VAX2: variants seen among roughly 807,000 people sequenced by gnomAD.
VAX2 encodes the protein ventral anterior homeobox 2.
Under a neutral mutation model 12.5 loss-of-function variants are expected in VAX2, and 8 were observed. The ratio of observed to expected loss-of-function variants is 0.64; its 90% CI spans 0.37 to 1.15. The LOEUF (loss-of-function observed/expected upper bound fraction) is 1.15, where lower values mean the gene tolerates loss of function less well. VAX2 is among the 50% of genes most tolerant of loss of function. The probability of loss-of-function intolerance (pLI) is 0.01; values close to 1 mark genes in which losing one functional copy is unlikely to be tolerated. For synonymous variants in VAX2, 183 were observed against 187.6 expected, an observed-to-expected ratio of 0.98 and a Z score of 0.20; for missense variants, 476 against 412.9, an observed-to-expected ratio of 1.15 and a Z score of -1.32.
rs546242313 is a variant in VAX2 at position 70,900,636 on chromosome 2, C to A, written c.15C>A (p.Gly5=). The change falls in exon 1 of 3, where the codon GGC becomes GGA. Residue 5 remains glycine, a synonymous_variant. Coordinates refer to ENST00000234392, the MANE Select transcript of VAX2 (RefSeq NM_012476.3). MGDG[G]AERDRGPARR... is the part of the protein sequence containing the mutation. ...TGGCGGTCAGCATGGGCGATGGGGG[C>A]GCCGAGCGCGACCGGGGCCCCGCGC... The A allele has an allele frequency of 3.3e-5, 42 of 1,270,102 alleles. No individual in the cohort carries two copies. In the South Asian group the frequency reaches 7.9e-4, roughly 24 times the overall value. The allele number at this position is 1,270,102 out of a possible 1,614,324, so 78.7% of individuals were successfully genotyped here.
In VAX2 at chr2:70,902,677, T is replaced by C. The variant is rs1553409943; in HGVS notation, c.247+1809T>C. Among the ~76,000 whole-genome samples the C allele has an allele frequency of 3.3e-5, 5 of 152,236 alleles. No homozygotes were observed. The South Asian group carries it at 8.3e-4, about 25-fold the overall frequency. ...AACCCTGTATGTAGAGCAAATAAGT[T>C]TTGTGTACAGATGTCAATTAAATAG... On this transcript the variant is annotated intron_variant, in intron 1 of 2. Transcript: ENST00000234392.
At chr2:70,915,923 C>T (rs1679297866) in intron 1 of VAX2, among the ~76,000 whole-genome samples, 4 of 152,048 alleles carry the variant, frequency 2.6e-5, no homozygotes, top group Admixed American at 2.6e-4. Flanking sequence ...CATTTATTTT[C>T]TTAATATTTT....
rs1218161274 is a variant in VAX2 at position 70,904,974 on chromosome 2, G to A, written c.247+4106G>A. ...GACGCGTCTGAAGAAGCCATACAAG[G>A]GGGCGCAGCTTCGGGGCTCTGGCTG... On this transcript the variant is annotated intron_variant, in intron 1 of 2. Coordinates refer to ENST00000234392, the MANE Select transcript of VAX2 (RefSeq NM_012476.3). The surrounding 1 kb of genome is among the most constrained non-coding windows in gnomAD (Gnocchi z 4.2). 6.6e-6 allele frequency among the ~76,000 whole-genome samples: 1 copy of A among 152,220 alleles called. No individual in the cohort carries two copies. Among genetic ancestry groups the A allele is most frequent in the Non-Finnish European group, 1.5e-5 (1 of 68,050 alleles).
At chr2:70,907,960 G>A (rs1417012212) in intron 1 of VAX2, among the ~76,000 whole-genome samples, 1 of 152,216 alleles carries the variant, frequency 6.6e-6, no homozygotes, top group Non-Finnish European at 1.5e-5. Context: ...GTAGAATTAA[G>A]TATTCCTTTA....
chr2:70,932,749 C>A lies in VAX2; in HGVS notation c.436-18C>A, dbSNP rs781920830. ...CCTGTCCCATCTCCCTCCTTGACAC[C>A]CCCTCCCCCACCCCAAGGTGAAGGT... On this transcript the variant is annotated intron_variant, in intron 2 of 2. Transcript: ENST00000234392. The A allele has an allele frequency of 2.0e-6, 3 of 1,509,236 alleles. No individual in the cohort carries two copies. Among genetic ancestry groups the A allele is most frequent in the African/African-American group, 2.8e-5 (2 of 71,026 alleles). 93.5% of individuals were successfully genotyped at this position (1,509,236 alleles called of 1,614,324 possible). A position where few individuals can be genotyped will look rare whatever the true frequency, so the allele number is the denominator to read the frequency against.
rs1463543623 is a variant in VAX2, at chr2:70,904,762, G to A, written c.247+3894G>A. ...GCGGATGGCTGGGGGCTGAGGGGAC[G>A]CGTGAAGCCCAGGCCTCTTGCTTGG... On this transcript the variant is annotated intron_variant, in intron 1 of 2. Coordinates refer to ENST00000234392, the MANE Select transcript of VAX2 (RefSeq NM_012476.3). This position sits in a 1 kb window ranked among gnomAD's most constrained non-coding sequence, Gnocchi z 4.2. 6.6e-6 allele frequency among the ~76,000 whole-genome samples: 1 copy of A among 152,242 alleles called. No individual in the cohort carries two copies. Among genetic ancestry groups the A allele is most frequent in the African/African-American group, 2.4e-5 (1 of 41,478 alleles).
In VAX2 at chr2:70,904,975, G is replaced by A. The variant is rs1553410402; in HGVS notation, c.247+4107G>A. On this transcript the variant is annotated intron_variant, in intron 1 of 2. Coordinates refer to ENST00000234392, the MANE Select transcript of VAX2 (RefSeq NM_012476.3). This position sits in a 1 kb window ranked among gnomAD's most constrained non-coding sequence, Gnocchi z 4.2. ...ACGCGTCTGAAGAAGCCATACAAGG[G>A]GGCGCAGCTTCGGGGCTCTGGCTGG... Among the ~76,000 whole-genome samples the A allele has an allele frequency of 6.6e-6, 1 of 152,202 alleles. No homozygotes were observed. Among genetic ancestry groups the A allele is most frequent in the Non-Finnish European group, 1.5e-5 (1 of 68,054 alleles).
intron 1 of VAX2, among the ~76,000 whole-genome samples, chr2:70,910,253 A>G (rs1041309215): frequency 2.6e-5 from 4 of 152,138 alleles, no homozygotes; most frequent in Admixed American, 2.6e-4. Context: ...GGTATATCGG[A>G]GCTCATTGTA....
chr2:70,922,915 T>C (rs530272687), intron 2 of VAX2, among the ~76,000 whole-genome samples: 318 of 152,258 alleles, frequency 2.1e-3, no homozygotes, highest in African/African-American at 7.2e-3. Context: ...TGAGCTGCCC[T>C]TGGAGGTCAA....
chr2:70,922,998 C>T (rs1472222945), intron 2 of VAX2, among the ~76,000 whole-genome samples: 5 of 150,134 alleles, frequency 3.3e-5, no homozygotes. Flanking sequence ...TTCCACATGG[C>T]GTGACCTGGA....
At chr2:70,922,712 G>T (rs903884005) in intron 2 of VAX2, among the ~76,000 whole-genome samples, 1 of 152,184 alleles carries the variant, frequency 6.6e-6, no homozygotes, top group Middle Eastern at 3.2e-3. Context: ...GTCCTGCAGG[G>T]CCGGGTCATC....
intron 1 of VAX2, among the ~76,000 whole-genome samples, chr2:70,914,280 T>G (rs1679259388): frequency 6.6e-6 from 1 of 152,134 alleles, no homozygotes. Context: ...AAACCCTGTC[T>G]CTACTAAAAA....
chr2:70,926,143 G>A (rs1553413508), intron 2 of VAX2, among the ~76,000 whole-genome samples: 1 of 152,072 alleles, frequency 6.6e-6, no homozygotes, highest in African/African-American at 2.4e-5. Context: ...GGATTGGGCA[G>A]GCAGAATGGC....
chr2:70,913,387 T>G (rs1287275501), intron 1 of VAX2, among the ~76,000 whole-genome samples: 2 of 152,192 alleles, frequency 1.3e-5, no homozygotes, highest in Admixed American at 1.3e-4. Flanking sequence ...TTATTAGAAA[T>G]AAATTGCTTG....
chr2:70,903,074 G>C (rs1678969234), intron 1 of VAX2, among the ~76,000 whole-genome samples: 1 of 152,190 alleles, frequency 6.6e-6, no homozygotes, highest in Non-Finnish European at 1.5e-5. Flanking sequence ...CTCCTAGCCA[G>C]GGTCACCTGT....
chr2:70,919,172 T>G (rs1679385091), intron 1 of VAX2, among the ~76,000 whole-genome samples: 1 of 140,462 alleles, frequency 7.1e-6, no homozygotes, highest in African/African-American at 2.7e-5. Flanking sequence ...AGGCGGAGGT[T>G]GTGGTGAGCC....
intron 1 of VAX2, among the ~76,000 whole-genome samples, chr2:70,907,984 T>C (rs1679097696): frequency 6.6e-6 from 1 of 152,226 alleles, no homozygotes; most frequent in African/African-American, 2.4e-5. Flanking sequence ...GGGGAAAGCC[T>C]AATTCCCCTA....
intron 2 of VAX2, among the ~76,000 whole-genome samples, chr2:70,929,668 C>T (rs144624725): frequency 0.016 from 2,134 of 136,700 alleles, 44 homozygotes; most frequent in African/African-American, 0.053. Context: ...GCCTGGGCTA[C>T]AGAGTGAGAC....
chr2:70,910,549 A>C (rs1203848893), intron 1 of VAX2, among the ~76,000 whole-genome samples: 1 of 152,142 alleles, frequency 6.6e-6, no homozygotes, highest in Non-Finnish European at 1.5e-5. Flanking sequence ...AAATCTTTTC[A>C]AGTGACAGAA....
Sources: gnomAD v4.1 joint callset for allele counts (sites outside exome capture counted in the v4.1 genomes callset) on GRCh38, gnomAD v4.1.1 for gene constraint, Gnocchi (gnomAD v3.1) non-coding constraint, MANE v1.5 for transcripts, NCBI Gene and HGNC (gene_info 2026-07-23, HGNC 2026-07-21) for gene names.